The following AKAP7 variants were observed in gnomAD, a reference collection of about 807,000 sequenced individuals.
The protein encoded by AKAP7 is A-kinase anchoring protein 7, also known as A kinase (PRKA) anchor protein 7.
AKAP7 carries 39 observed loss-of-function variants against 39.5 expected under a neutral mutation model. The observed-to-expected ratio is 0.99, with a 90% CI of 0.76 to 1.29. The LOEUF (loss-of-function observed/expected upper bound fraction) is 1.29, where lower values mean the gene tolerates loss of function less well. Ranked by LOEUF, AKAP7 falls within the 50% of genes most tolerant of loss-of-function variation. AKAP7 has a pLI of 0.00. For missense variants in AKAP7, 414 were observed against 407.7 expected (o/e 1.02, Z -0.13); for synonymous variants, 140 against 139.1 (o/e 1.01, Z -0.05).
chr6:131,274,107 T>C (rs1814544236), intron 7 of AKAP7, among the ~76,000 whole-genome samples: 1 of 152,152 alleles, frequency 6.6e-6, no homozygotes, highest in Non-Finnish European at 1.5e-5. Flanking sequence ...CATTCTTGTC[T>C]GTGTTTCTCT....
chr6:131,269,664 A>G (rs1487710732), intron 7 of AKAP7, among the ~76,000 whole-genome samples: 1 of 152,228 alleles, frequency 6.6e-6, no homozygotes, highest in East Asian at 1.9e-4. Flanking sequence ...TCACATGTCA[A>G]TCAGAATATT....
intron 5 of AKAP7, among the ~76,000 whole-genome samples, chr6:131,196,667 T>C (rs1218818840): frequency 1.3e-5 from 2 of 152,160 alleles, no homozygotes; most frequent in Admixed American, 1.3e-4. Context: ...TGTTCCAGTT[T>C]TCTTGTCTTT....
At chr6:131,235,144 G>T (rs547797754) in intron 7 of AKAP7, among the ~76,000 whole-genome samples, 1 of 152,220 alleles carries the variant, frequency 6.6e-6, no homozygotes, top group East Asian at 1.9e-4. Flanking sequence ...ACCTATGAAT[G>T]AGAACCTGCG....
At chr6:131,271,227 T>G (rs569860994) in intron 7 of AKAP7, among the ~76,000 whole-genome samples, 1 of 152,260 alleles carries the variant, frequency 6.6e-6, no homozygotes, top group South Asian at 2.1e-4. Flanking sequence ...TGATTCATTT[T>G]AATTTTTATA....
upstream of AKAP7, among the ~76,000 whole-genome samples, chr6:131,132,137 C>A (rs1800341870): frequency 2.0e-5 from 3 of 151,842 alleles, no homozygotes; most frequent in South Asian, 6.3e-4. Flanking sequence ...ATAGTGAAAC[C>A]CCGTCTCTAC....
chr6:131,167,740 C>G (rs1278048032), intron 4 of AKAP7, among the ~76,000 whole-genome samples: 2 of 152,016 alleles, frequency 1.3e-5, no homozygotes, highest in East Asian at 1.9e-4. Flanking sequence ...ATGTACCATA[C>G]TTATAGCTAT....
intron 5 of AKAP7, among the ~76,000 whole-genome samples, chr6:131,186,875 G>C (rs1805918322): frequency 6.6e-6 from 1 of 152,120 alleles, no homozygotes; most frequent in African/African-American, 2.4e-5. Context: ...TTGGGGATTA[G>C]GTCTCAACGT....
chr6:131,174,954 A>G (rs925851018), intron 5 of AKAP7, among the ~76,000 whole-genome samples: 1 of 151,536 alleles, frequency 6.6e-6, no homozygotes. Context: ...CGACTCCTCC[A>G]GAAGTTTACT....
At chr6:131,140,166 T>A (rs1800908183) in intron 1 of AKAP7, among the ~76,000 whole-genome samples, 1 of 152,166 alleles carries the variant, frequency 6.6e-6, no homozygotes, top group Non-Finnish European at 1.5e-5. Context: ...CTCTTGCACA[T>A]CGGAATTACT....
At chr6:131,241,169 A>C (rs1440554927) in intron 7 of AKAP7, among the ~76,000 whole-genome samples, 1 of 152,152 alleles carries the variant, frequency 6.6e-6, no homozygotes, top group African/African-American at 2.4e-5. Context: ...GGTACAGTAT[A>C]AGCACGATGG....
chr6:131,247,264 C>CAT (rs1812071432), intron 7 of AKAP7, among the ~76,000 whole-genome samples: 1 of 53,788 alleles, frequency 1.9e-5, no homozygotes, highest in Non-Finnish European at 3.3e-5. Context: ...TGACACATTT[C>CAT]ATATGTATAT....
chr6:131,180,819 T>TTGTTTG (rs1339566092), intron 5 of AKAP7, among the ~76,000 whole-genome samples: 1 of 131,758 alleles, frequency 7.6e-6, no homozygotes, highest in Non-Finnish European at 1.6e-5. Flanking sequence ...ACCACTTTCT[T>TTGTTTG]TTTTTGTTTG....
At chr6:131,162,817 G>A (rs979554786) in intron 3 of AKAP7, among the ~76,000 whole-genome samples, 3 of 152,040 alleles carry the variant, frequency 2.0e-5, no homozygotes, top group Admixed American at 1.3e-4. Context: ...TGACCACCTC[G>A]TCTAGGTCAA....
chr6:131,176,946 A>T (rs1205867114), intron 5 of AKAP7, among the ~76,000 whole-genome samples: 2 of 152,260 alleles, frequency 1.3e-5, no homozygotes, highest in East Asian at 3.9e-4. Flanking sequence ...CTTAACTAGG[A>T]TGGCTGCATT....
At chr6:131,252,999 GAA>G (rs1562245332) in intron 7 of AKAP7, 2 of 1,608,332 alleles carry the variant, frequency 1.2e-6, no homozygotes, top group Admixed American at 3.3e-5. Context: ...AGTTTTTGGT[GAA>G]AGTTTAAATT....
intron 5 of AKAP7, among the ~76,000 whole-genome samples, chr6:131,190,888 A>G (rs191311531): frequency 2.0e-5 from 3 of 152,230 alleles, no homozygotes; most frequent in Non-Finnish European, 4.4e-5. Flanking sequence ...CTTGTGCTGA[A>G]ATCTGTCCCA....
chr6:131,237,200 G>C (rs1276335264), intron 7 of AKAP7, among the ~76,000 whole-genome samples: 4 of 152,084 alleles, frequency 2.6e-5, no homozygotes, highest in African/African-American at 9.7e-5. Flanking sequence ...TTATATGCTG[G>C]ATTATGTTTA....
chr6:131,237,124 G>A (rs2128310041), intron 7 of AKAP7, among the ~76,000 whole-genome samples: 1 of 152,262 alleles, frequency 6.6e-6, no homozygotes, highest in South Asian at 2.1e-4. Context: ...AAGGGTTGTT[G>A]AATTTTGTCA....
intron 7 of AKAP7, among the ~76,000 whole-genome samples, chr6:131,256,069 C>T (rs948970796): frequency 1.3e-5 from 2 of 152,108 alleles, no homozygotes; most frequent in African/African-American, 2.4e-5. Flanking sequence ...TACAGTCTCC[C>T]GGGGTGCCAT....
Sources: allele counts gnomAD v4.1 joint callset (sites outside exome capture counted in the v4.1 genomes callset), GRCh38; gene constraint gnomAD v4.1.1; transcripts MANE v1.5; gene names NCBI Gene and HGNC (gene_info 2026-07-23, HGNC 2026-07-21).